Variants in ANKRD17 observed in about 807,000 individuals in gnomAD.
ANKRD17 encodes the protein ankyrin repeat domain 17, also known as ankyrin repeat domain-containing protein 17.
In ANKRD17, 19 loss-of-function variants were observed where a neutral mutation model predicts 229.7. The observed-to-expected ratio is 0.08, with a 90% confidence interval of 0.06 to 0.12. ANKRD17 has a LOEUF of 0.12. Ranked by LOEUF, ANKRD17 falls within the 10% of genes least tolerant of loss-of-function variation. ANKRD17 has a pLI of 1.00. For synonymous variants in ANKRD17, 1,112 were observed against 1,146.1 expected, an observed-to-expected ratio of 0.97 and a Z score of 0.60; for missense variants, 2,176 against 3,176.8, an observed-to-expected ratio of 0.68 and a Z score of 7.57.
chr4:73,139,216 T>A (rs945492726), intron 15 of ANKRD17, among the ~76,000 whole-genome samples: 5 of 151,972 alleles, frequency 3.3e-5, no homozygotes, highest in African/African-American at 1.2e-4. Flanking sequence ...AAATTCAATC[T>A]CAGTATTCTG....
At chr4:73,156,589 A>T (rs902982684) in intron 3 of ANKRD17, among the ~76,000 whole-genome samples, 1 of 151,946 alleles carries the variant, frequency 6.6e-6, no homozygotes, top group South Asian at 2.1e-4. Flanking sequence ...AGTTCTCATG[A>T]TATCTGTTTG....
At position 73,089,541 on chromosome 4, in the gene ANKRD17, G is replaced by A. The variant is rs537146185; in HGVS notation, c.6961+1126C>T. On this transcript the variant is annotated intron_variant, in intron 29 of 33. Transcript: ENST00000358602. ...CTACAATAGAAAAAGGATATTACTT[G>A]AAAAACTTGTGAAATCTGCCTAAAA... Among the ~76,000 whole-genome samples the A allele has an allele frequency of 6.6e-5, 10 of 152,236 alleles. No homozygotes were observed. The East Asian group carries it at 1.5e-3, about 24-fold the overall frequency.
intron 32 of ANKRD17, 75 bp downstream of exon 32, chr4:73,077,280 C>G: frequency 7.0e-7 from 1 of 1,423,062 alleles, no homozygotes; most frequent in Non-Finnish European, 9.5e-7. Context: ...TTAGATTATA[C>G]ATATGCCTAC....
intron 1 of ANKRD17, among the ~76,000 whole-genome samples, chr4:73,197,733 G>A (rs902297140): frequency 2.6e-5 from 4 of 152,150 alleles, no homozygotes; most frequent in South Asian, 2.1e-4. Context: ...CTACTCAGGG[G>A]ACTGTGCCCA....
At chr4:73,134,578 G>A (rs1728646411) in intron 16 of ANKRD17, among the ~76,000 whole-genome samples, 1 of 152,054 alleles carries the variant, frequency 6.6e-6, no homozygotes, top group African/African-American at 2.4e-5. Context: ...CTTAAACAGT[G>A]TCCTCCCCCC....
intron 1 of ANKRD17, among the ~76,000 whole-genome samples, chr4:73,193,859 G>A (rs1009072640): frequency 1.4e-4 from 21 of 152,146 alleles, no homozygotes; most frequent in African/African-American, 4.8e-4. Flanking sequence ...TTGAGCCCAG[G>A]AGGTTGAGGC....
intron 1 of ANKRD17, among the ~76,000 whole-genome samples, chr4:73,251,023 C>T (rs1744973942): frequency 6.6e-6 from 1 of 152,094 alleles, no homozygotes; most frequent in South Asian, 2.1e-4. Context: ...AATCCCACAG[C>T]ATTTTGGGAG....
At chr4:73,104,584 C>CATAT (rs1724388010) in intron 24 of ANKRD17, among the ~76,000 whole-genome samples, 4 of 152,134 alleles carry the variant, frequency 2.6e-5, no homozygotes, top group African/African-American at 9.7e-5. Flanking sequence ...TTATCTGTAT[C>CATAT]GTATCTGTAT....
At chr4:73,086,481 A>T (rs986489685) in intron 29 of ANKRD17, among the ~76,000 whole-genome samples, 9 of 152,202 alleles carry the variant, frequency 5.9e-5, no homozygotes, top group African/African-American at 2.2e-4. Context: ...GTTCATTAAA[A>T]AAGTATTACA....
rs1185385070 is a variant in ANKRD17 at position 73,073,692 on chromosome 4, G to C, written c.*2539C>G. 6.6e-6 allele frequency: 1 copy of C among 151,910 alleles called. No homozygotes were observed. The highest frequency in any genetic ancestry group is 1.5e-5 in the Non-Finnish European group (1 of 67,870). The allele number at this position is 151,910 out of a possible 1,614,324, so 9.4% of individuals were successfully genotyped here. On this transcript the variant is annotated 3_prime_UTR_variant, in exon 34 of 34. Coordinates refer to ENST00000358602, the MANE Select transcript of ANKRD17 (RefSeq NM_032217.5). ...ACTTTTCAGTAATGGGAAATAGGAGGGGAAATTTCTTCTTTATAAACAGTG... is the reference window on the plus strand; with the variant it reads ...ACTTTTCAGTAATGGGAAATAGGAGCGGAAATTTCTTCTTTATAAACAGTG...
chr4:73,170,196 G>C (rs1733792451), intron 2 of ANKRD17, among the ~76,000 whole-genome samples: 1 of 151,914 alleles, frequency 6.6e-6, no homozygotes, highest in South Asian at 2.1e-4. Context: ...AGAGAAAAGA[G>C]CAGAGACAAC....
chr4:73,152,178 A>G (rs1270950966), intron 6 of ANKRD17, among the ~76,000 whole-genome samples: 1 of 152,180 alleles, frequency 6.6e-6, no homozygotes, highest in East Asian at 1.9e-4. Flanking sequence ...CCTATGCAAA[A>G]AACAATAGAA....
At chr4:73,237,440 C>T (rs538649279) in intron 1 of ANKRD17, among the ~76,000 whole-genome samples, 7 of 152,310 alleles carry the variant, frequency 4.6e-5, no homozygotes, top group East Asian at 3.9e-4. Context: ...TACAGTCCTT[C>T]GATCTGGCCA....
intron 1 of ANKRD17, among the ~76,000 whole-genome samples, chr4:73,184,384 C>T (rs1389496782): frequency 2.0e-5 from 3 of 151,688 alleles, no homozygotes; most frequent in African/African-American, 7.3e-5. Context: ...CAAAAATTAG[C>T]CAGGTGTTGT....
intron 16 of ANKRD17, among the ~76,000 whole-genome samples, chr4:73,132,082 A>G (rs1245580090): frequency 6.6e-6 from 1 of 151,760 alleles, no homozygotes. Flanking sequence ...AATCACTTAA[A>G]TTACCTGCTT....
At chr4:73,149,470 G>A (rs1434337789) in intron 7 of ANKRD17, among the ~76,000 whole-genome samples, 1 of 152,134 alleles carries the variant, frequency 6.6e-6, no homozygotes, top group Non-Finnish European at 1.5e-5. Flanking sequence ...AGAAAAAAAT[G>A]GAACCCTTTT....
intron 25 of ANKRD17, chr4:73,099,230 C>T: frequency 3.4e-6 from 2 of 580,836 alleles, no homozygotes; most frequent in South Asian, 1.7e-5. Context: ...CGCCCCCGCC[C>T]CTTTCCCAGG....
chr4:73,183,988 A>G (rs542713630), intron 1 of ANKRD17, among the ~76,000 whole-genome samples: 119 of 152,310 alleles, frequency 7.8e-4, no homozygotes, highest in African/African-American at 2.9e-3. Flanking sequence ...TAATAATGAA[A>G]ACCAAGGTCT....
Position 73,098,453 on chromosome 4 carries a change from G to C in ANKRD17, c.4641C>G (p.Thr1547=). 4 of 1,614,190 alleles carry C rather than the reference G, an allele frequency of 2.5e-6. No homozygotes were observed. Among genetic ancestry groups the C allele is most frequent in the Non-Finnish European group, 3.4e-6 (4 of 1,180,036 alleles). Residue 1547 remains threonine (T), a synonymous_variant, in exon 26 of 34, where the codon ACC becomes ACG. Transcript: ENST00000358602. ...CATGAGAACCTGCCAAAGTTGTCCA[G>C]GTTGCAGATATACCTATGGTAGTAG... ...TTTTTIGISA[T]WTTLAGSHGK... is the part of the protein sequence containing the mutation.
Sources: allele counts gnomAD v4.1 joint callset (sites outside exome capture counted in the v4.1 genomes callset), GRCh38; gene constraint gnomAD v4.1.1; transcripts MANE v1.5; gene names NCBI Gene and HGNC (gene_info 2026-07-23, HGNC 2026-07-21).